HERC2: variants seen among roughly 807,000 people sequenced by gnomAD.
HERC2 encodes the protein HECT and RLD domain containing E3 ubiquitin protein ligase 2.
HERC2 carries 102 observed loss-of-function variants against 537.7 expected under a neutral mutation model. The observed-to-expected ratio is 0.19, with a 90% confidence interval of 0.16 to 0.22. The LOEUF (loss-of-function observed/expected upper bound fraction) is 0.22, where lower values mean the gene tolerates loss of function less well. Among genes scored for constraint, HERC2 ranks in the 10% least tolerant of loss-of-function variants. The pLI is 1.00. For missense variants in HERC2, 4,236 were observed against 6,198.2 expected, an observed-to-expected ratio of 0.68 and a Z score of 10.63; for synonymous variants, 2,224 against 2,466.2, an observed-to-expected ratio of 0.90 and a Z score of 2.91.
chr15:28,131,299 C>T (rs1435146942), intron 81 of HERC2, among the ~76,000 whole-genome samples: 1 of 152,140 alleles, frequency 6.6e-6, no homozygotes, highest in Non-Finnish European at 1.5e-5. Context: ...CTCTTTCCCA[C>T]AAGGAGGGGC....
intron 69 of HERC2, among the ~76,000 whole-genome samples, chr15:28,154,323 G>T (rs563070941): frequency 2.6e-5 from 4 of 152,154 alleles, no homozygotes; most frequent in Non-Finnish European, 5.9e-5. Flanking sequence ...TGTCACATAG[G>T]CATGATTTTA....
Position 28,236,588 on chromosome 15 carries a change from T to C in HERC2, c.4003+375A>G, listed in dbSNP as rs4035903. On this transcript the variant is annotated intron_variant, in intron 26 of 92. Coordinates refer to ENST00000261609, the MANE Select transcript of HERC2 (RefSeq NM_004667.6). ...TTACAGGCATGAGCCACTGCCTGGC[T>C]ATCTCCTACTTTTTTTAAAGAGAGA... Among the ~76,000 whole-genome samples, 64 of 150,964 alleles carry C rather than the reference T, an allele frequency of 4.2e-4. No homozygotes were observed. The South Asian group carries it at 6.7e-3, about 16-fold the overall frequency.
intron 70 of HERC2, among the ~76,000 whole-genome samples, chr15:28,148,305 C>G (rs867668099): frequency 1.3e-5 from 2 of 151,902 alleles, no homozygotes; most frequent in Admixed American, 1.3e-4. Context: ...CAAATAAACA[C>G]AGCAGATGCT....
At chr15:28,191,835 C>A in intron 53 of HERC2, 126 bp downstream of exon 53, 1 of 672,964 alleles carries the variant, frequency 1.5e-6, no homozygotes, top group Non-Finnish European at 2.5e-6. Flanking sequence ...TAAATTAAAA[C>A]ATAACGTGAG....
At position 28,260,852 on chromosome 15, in the gene HERC2, C is replaced by T. The variant is rs1353043107; in HGVS notation, c.2241G>A (p.Val747=). The T allele has an allele frequency of 1.2e-6, 2 of 1,614,122 alleles. No homozygotes were observed. Among genetic ancestry groups the T allele is most frequent in the Non-Finnish European group, 1.7e-6 (2 of 1,180,056 alleles). ...DQCQHFDTLR[V]TKPEPAALPG... Reference sequence around the variant, plus strand: ...GCAATGCTGCAGGTTCTGGCTTGGTCACGCGCAAGGTGTCAAAGTGCTGGC... The same window carrying T: ...GCAATGCTGCAGGTTCTGGCTTGGTTACGCGCAAGGTGTCAAAGTGCTGGC... The change falls in exon 16 of 93, where the codon GTG becomes GTA. Residue 747 remains valine, a synonymous_variant. Transcript: ENST00000261609.
At chr15:28,184,788 G>A (rs1896148024) in intron 56 of HERC2, among the ~76,000 whole-genome samples, 1 of 151,558 alleles carries the variant, frequency 6.6e-6, no homozygotes, top group Admixed American at 6.6e-5. Context: ...CGTGAACCCA[G>A]GAAGCGGAGC....
chr15:28,148,003 C>T lies in HERC2; in HGVS notation c.10901-1659G>A, dbSNP rs1891941680. Among the ~76,000 whole-genome samples, 5 of 150,222 alleles carry T rather than the reference C, an allele frequency of 3.3e-5. No homozygotes were observed. In the Admixed American group the frequency reaches 3.3e-4, roughly 10 times the overall value. ...AGTGAGTCAGAATCACACCACTGCA[C>T]TTCAGCCTGGGTGACAGAGCAAGAC... On this transcript the variant is annotated intron_variant, in intron 70 of 92. Transcript: ENST00000261609.
At position 28,215,821 on chromosome 15, in the gene HERC2, A is replaced by C; in HGVS notation, c.6029-19T>G. 2 of 1,485,992 alleles carry C rather than the reference A, an allele frequency of 1.3e-6. No individual in the cohort carries two copies. The highest frequency in any genetic ancestry group is 1.9e-6 in the Non-Finnish European group (2 of 1,077,048). 92.1% of individuals were successfully genotyped at this position (1,485,992 alleles called of 1,614,324 possible). ...GGAGAAGCTGCAGGAGGGAAAATAG[A>C]CATGCTTGGTAACAAGTCCCTAAAG... On this transcript the variant is annotated intron_variant, in intron 38 of 92. Transcript: ENST00000261609.
Position 28,250,843 on chromosome 15 carries a change from C to T in HERC2, c.3051-2107G>A, listed in dbSNP as rs574597439. ...GACACATGATCCATGCTTATGAAGACAGCCTGGATATCGGCTACTGGAAAG... is the reference window on the plus strand; with the variant it reads ...GACACATGATCCATGCTTATGAAGATAGCCTGGATATCGGCTACTGGAAAG... On this transcript the variant is annotated intron_variant, in intron 20 of 92. Transcript: ENST00000261609. Among the ~76,000 whole-genome samples, 73 of 152,308 alleles carry T rather than the reference C, an allele frequency of 4.8e-4. No individual in the cohort carries two copies. In the East Asian group the frequency reaches 0.01, roughly 21 times the overall value.
rs1459160888 is a variant in HERC2 at position 28,256,116 on chromosome 15, C to T, written c.2719G>A (p.Ala907Thr). Residue 907 changes from alanine (A) to threonine (T), a missense_variant, in exon 18 of 93, where the codon GCA becomes ACA. By Grantham distance (58) the Ala-to-Thr change is moderately conservative (BLOSUM62 0). This residue lies in a region of HERC2 where 754 missense variants were observed against 1,085.0 expected (regional missense o/e 0.69). Coordinates refer to ENST00000261609, the MANE Select transcript of HERC2 (RefSeq NM_004667.6). ...LLPTAEERAR[A>T]LSALLPCAVS... is the part of the protein sequence containing the mutation. ...GCGCAGGGCAGGAGAGCAGAGAGTGCCCGGGCCCGCTCCTCCGCGGTGGGC... is the reference window on the plus strand; with the variant it reads ...GCGCAGGGCAGGAGAGCAGAGAGTGTCCGGGCCCGCTCCTCCGCGGTGGGC... 1 of 1,602,492 alleles carries T rather than the reference C, an allele frequency of 6.2e-7. No individual in the cohort carries two copies.
intron 30 of HERC2, among the ~76,000 whole-genome samples, chr15:28,230,729 G>T (rs1163183874): frequency 6.6e-6 from 1 of 151,664 alleles, no homozygotes; most frequent in African/African-American, 2.4e-5. Context: ...GGGAAGCCCG[G>T]CAGCCAGCAA....
At chr15:28,203,937 G>A (rs1455415846) in intron 45 of HERC2, 1 of 151,978 alleles carries the variant, frequency 6.6e-6, no homozygotes. Flanking sequence ...GGAGGAGAAT[G>A]TCAAGGCTTC....
At chr15:28,244,101 C>T (rs1903418663) in intron 23 of HERC2, among the ~76,000 whole-genome samples, 1 of 152,016 alleles carries the variant, frequency 6.6e-6, no homozygotes, top group African/African-American at 2.4e-5. Context: ...GAGGTCAAGG[C>T]TACAGTGAGC....
At chr15:28,168,618 G>A (rs1312437837) in intron 66 of HERC2, 28 bp from the exon 67 acceptor site, 1 of 1,601,976 alleles carries the variant, frequency 6.2e-7, no homozygotes, top group African/African-American at 1.3e-5. Flanking sequence ...CAGGCCTGTG[G>A]TGAGCTGCCC....
intron 69 of HERC2, among the ~76,000 whole-genome samples, chr15:28,159,598 C>T (rs1307092608): frequency 1.3e-5 from 2 of 152,212 alleles, no homozygotes; most frequent in African/African-American, 4.8e-5. Context: ...CCTTTAAGGA[C>T]TTCTCTGCAT....
intron 4 of HERC2, among the ~76,000 whole-genome samples, chr15:28,285,902 C>T (rs2076145788): frequency 6.6e-6 from 1 of 150,980 alleles, no homozygotes; most frequent in East Asian, 1.9e-4. Flanking sequence ...AACAACTCTA[C>T]ACATGTAACT....
At chr15:28,133,980 T>A (rs1258888223) in intron 79 of HERC2, among the ~76,000 whole-genome samples, 1 of 152,246 alleles carries the variant, frequency 6.6e-6, no homozygotes, top group Non-Finnish European at 1.5e-5. Flanking sequence ...CATCTGCATC[T>A]CCATATACAT....
At chr15:28,197,250 T>G (rs1272615653) in intron 50 of HERC2, among the ~76,000 whole-genome samples, 2 of 152,192 alleles carry the variant, frequency 1.3e-5, no homozygotes, top group Non-Finnish European at 2.9e-5. Flanking sequence ...AATAATCTCT[T>G]TATGGCATCA....
At chr15:28,245,811 T>A in intron 23 of HERC2, 70 bp downstream of exon 23, 1 of 1,317,392 alleles carries the variant, frequency 7.6e-7, no homozygotes, top group Non-Finnish European at 1.1e-6. Context: ...TCTTTCAAAT[T>A]GAAAGGCAAG....
Sources: gnomAD v4.1 joint callset for allele counts (sites outside exome capture counted in the v4.1 genomes callset) on GRCh38, gnomAD v4.1.1 for gene constraint, gnomAD v4.1.1 regional missense constraint, MANE v1.5 for transcripts, NCBI Gene and HGNC (gene_info 2026-07-23, HGNC 2026-07-21) for gene names.